Variants in UNC5D observed in about 807,000 individuals in gnomAD.
The protein encoded by UNC5D is netrin receptor UNC5D.
Under a neutral mutation model 105.4 loss-of-function variants are expected in UNC5D, and 39 were observed. That is an observed-to-expected ratio of 0.37 (90% confidence interval 0.29 to 0.48). The LOEUF is 0.48. Ranked by LOEUF, UNC5D falls within the 20% of genes least tolerant of loss-of-function variation. The probability of loss-of-function intolerance (pLI) is 0.98; values close to 1 mark genes in which losing one functional copy is unlikely to be tolerated. For synonymous variants in UNC5D, 452 were observed against 450.4 expected (o/e 1.00, Z -0.04); for missense variants, 991 against 1,202.4 (o/e 0.82, Z 2.60).
At chr8:35,645,878 G>T (rs753199484) in intron 4 of UNC5D, among the ~76,000 whole-genome samples, 1 of 151,756 alleles carries the variant, frequency 6.6e-6, no homozygotes, top group Non-Finnish European at 1.5e-5. Context: ...TGAGCTCCTG[G>T]TCCTTGATAG....
At position 35,544,807 on chromosome 8, in the gene UNC5D, T is replaced by C. The variant is rs1815532969; in HGVS notation, c.104-4485T>C. ...TAGTAGAGACGGGGTTTCACCATGT[T>C]GGCCAGGCTAGTCTCAAACTCCTGA... is the stretch of plus-strand genomic sequence containing the variant. On this transcript the variant is annotated intron_variant, in intron 1 of 16. Coordinates refer to ENST00000404895, the MANE Select transcript of UNC5D (RefSeq NM_080872.4). Among the ~76,000 whole-genome samples the C allele has an allele frequency of 2.6e-5, 4 of 152,148 alleles. No individual in the cohort carries two copies. In the South Asian group the frequency reaches 6.2e-4, roughly 24 times the overall value.
intron 2 of UNC5D, among the ~76,000 whole-genome samples, chr8:35,553,318 C>A (rs1563528883): frequency 6.6e-6 from 1 of 151,446 alleles, no homozygotes; most frequent in Non-Finnish European, 1.5e-5. Context: ...ATTACATTCT[C>A]TACCTCCATG....
At chr8:35,367,886 G>T in intron 1 of UNC5D, among the ~76,000 whole-genome samples, 1 of 152,090 alleles carries the variant, frequency 6.6e-6, no homozygotes, top group African/African-American at 2.4e-5. Context: ...CATTTACAAG[G>T]CCCTTTGCTC....
At chr8:35,761,505 A>C (rs573231838) in intron 14 of UNC5D, among the ~76,000 whole-genome samples, 5 of 152,210 alleles carry the variant, frequency 3.3e-5, no homozygotes, top group Non-Finnish European at 7.3e-5. Flanking sequence ...CTTTCAAGAA[A>C]ACCCAGCAAG....
intron 1 of UNC5D, among the ~76,000 whole-genome samples, chr8:35,248,963 TATATATTATATATTTTTATATA>T (rs1006286409): frequency 2.4e-3 from 220 of 92,574 alleles, no homozygotes; most frequent in African/African-American, 9.6e-3. Flanking sequence ...ACATATATAA[TATATATTATATATTTTTATATA>T]ATATATTATA....
intron 4 of UNC5D, among the ~76,000 whole-genome samples, chr8:35,636,485 C>A (rs79992348): frequency 6.6e-6 from 1 of 152,128 alleles, no homozygotes; most frequent in Non-Finnish European, 1.5e-5. Flanking sequence ...TTGTGCCAAA[C>A]TGAAGTTTCT....
intron 1 of UNC5D, among the ~76,000 whole-genome samples, chr8:35,441,173 G>A (rs936508592): frequency 2.0e-5 from 3 of 151,842 alleles, no homozygotes; most frequent in African/African-American, 7.2e-5. Context: ...CGTTTCAAAT[G>A]TAGCCAGAAG....
intron 1 of UNC5D, among the ~76,000 whole-genome samples, chr8:35,458,674 G>A (rs549748010): frequency 6.6e-6 from 1 of 152,252 alleles, no homozygotes; most frequent in South Asian, 2.1e-4. Context: ...GGCCAGAGAG[G>A]TGCTCCGAGT....
chr8:35,535,750 C>T (rs940139700), intron 1 of UNC5D, among the ~76,000 whole-genome samples: 1 of 152,102 alleles, frequency 6.6e-6, no homozygotes, highest in Admixed American at 6.6e-5. Context: ...CTACAGGATG[C>T]AACTCTTTCT....
Position 35,441,572 on chromosome 8 carries a change from C to T in UNC5D, c.104-107720C>T, listed in dbSNP as rs73672297. Among the ~76,000 whole-genome samples the T allele has an allele frequency of 3.4e-3, 521 of 151,774 alleles. 2 individuals carry two copies. The highest frequency in any genetic ancestry group is 0.012 in the African/African-American group (479 of 41,440). ...CCTTGAATTGTGAACTTTTTAATAT[C>T]CTAGAACAGAAGTAGGTCAAAATGT... On this transcript the variant is annotated intron_variant, in intron 1 of 16. Coordinates refer to ENST00000404895, the MANE Select transcript of UNC5D (RefSeq NM_080872.4).
chr8:35,681,085 CAGTA>C (rs1456232074), intron 4 of UNC5D, among the ~76,000 whole-genome samples: 1 of 152,120 alleles, frequency 6.6e-6, no homozygotes, highest in African/African-American at 2.4e-5. Context: ...ATTGACTTTA[CAGTA>C]AGTGTTACAC....
intron 1 of UNC5D, among the ~76,000 whole-genome samples, chr8:35,446,074 G>A (rs1262621223): frequency 6.6e-6 from 1 of 151,832 alleles, no homozygotes; most frequent in Non-Finnish European, 1.5e-5. Flanking sequence ...AAGTTCTTCA[G>A]TGGTGATTTG....
At position 35,793,829 on chromosome 8, in the gene UNC5D, G is replaced by T. The variant is rs981257495; in HGVS notation, c.*3266G>T. On this transcript the variant is annotated 3_prime_UTR_variant, in exon 17 of 17. Coordinates refer to ENST00000404895, the MANE Select transcript of UNC5D (RefSeq NM_080872.4). The stretch of plus-strand genomic sequence containing the variant: ...TGGCCTTTTTGTAAGAGATGAAAAA[G>T]AATTGACACAGTTCTCTTTAAAGAG... The T allele has an allele frequency of 7.9e-5, 12 of 152,414 alleles. No homozygotes were observed. Among genetic ancestry groups the T allele is most frequent in the African/African-American group, 2.7e-4 (11 of 41,434 alleles). The allele number at this position is 152,414 out of a possible 1,614,324, so 9.4% of individuals were successfully genotyped here.
chr8:35,457,040 T>G (rs891430201), intron 1 of UNC5D, among the ~76,000 whole-genome samples: 1 of 152,176 alleles, frequency 6.6e-6, no homozygotes, highest in African/African-American at 2.4e-5. Context: ...TTGAGCAAGT[T>G]TCTTATTGCC....
intron 1 of UNC5D, among the ~76,000 whole-genome samples, chr8:35,310,253 G>A (rs555679441): frequency 6.6e-6 from 1 of 152,228 alleles, no homozygotes; most frequent in Non-Finnish European, 1.5e-5. Flanking sequence ...CCCAATAAAT[G>A]CGTAAATGAA....
Position 35,686,569 on chromosome 8 carries a change from G to A in UNC5D, c.944G>A (p.Ser315Asn). 1 of 1,587,386 alleles carries A rather than the reference G, an allele frequency of 6.3e-7. No homozygotes were observed. The highest frequency in any genetic ancestry group is 8.5e-7 in the Non-Finnish European group (1 of 1,171,540). ...GTGGATGGGAGCTGGGAAGTGTGGA[G>A]CGAATGGTCCGTCTGCAGTCCAGAG... ...CPVDGSWEVW[S>N]EWSVCSPECE... Residue 315 changes from serine to asparagine, a missense_variant, in exon 7 of 17, where the codon AGC becomes AAC. Around this residue, in one of 3 missense-constraint regions of UNC5D, gnomAD observed 944 missense variants for 1,131.6 expected, o/e 0.83. Transcript: ENST00000404895.
At chr8:35,253,243 T>A (rs952215900) in intron 1 of UNC5D, among the ~76,000 whole-genome samples, 2 of 151,340 alleles carry the variant, frequency 1.3e-5, no homozygotes, top group East Asian at 3.9e-4. Flanking sequence ...ATTTATGGTA[T>A]GTTCTCAGGA....
chr8:35,458,947 T>G lies in UNC5D; in HGVS notation c.104-90345T>G, dbSNP rs192744413. 3.9e-4 allele frequency among the ~76,000 whole-genome samples: 59 copies of G among 152,280 alleles called. 1 individual carries two copies. The highest frequency in any genetic ancestry group is 3.4e-3 in the Middle Eastern group (1 of 294). On this transcript the variant is annotated intron_variant, in intron 1 of 16. Transcript: ENST00000404895. ...TTGATCAGCTCTGTAGTGGATGCAGTGGCATTTTAATTATCTAAGTATAAA... is the reference window on the plus strand; with the variant it reads ...TTGATCAGCTCTGTAGTGGATGCAGGGGCATTTTAATTATCTAAGTATAAA...
chr8:35,272,315 C>A (rs537126021), intron 1 of UNC5D, among the ~76,000 whole-genome samples: 4 of 152,028 alleles, frequency 2.6e-5, no homozygotes, highest in African/African-American at 9.7e-5. Flanking sequence ...GGTTGGGTTC[C>A]CCTGGGATGT....
Sources: gnomAD v4.1 joint callset for allele counts (sites outside exome capture counted in the v4.1 genomes callset) on GRCh38, gnomAD v4.1.1 for gene constraint, gnomAD v4.1.1 regional missense constraint, MANE v1.5 for transcripts, NCBI Gene and HGNC (gene_info 2026-07-23, HGNC 2026-07-21) for gene names.